Variants in VPS13B observed in about 807,000 individuals in gnomAD.
VPS13B encodes vacuolar protein sorting 13 homolog B.
VPS13B carries 285 observed loss-of-function variants against 426.4 expected under a neutral mutation model. The observed-to-expected ratio is 0.67, with a 90% confidence interval of 0.61 to 0.74. The LOEUF (loss-of-function observed/expected upper bound fraction) is 0.74, where lower values mean the gene tolerates loss of function less well. VPS13B is among the 30% of genes least tolerant of loss of function. The pLI is 0.00. For missense variants in VPS13B, 4,537 were observed against 4,782.6 expected (o/e 0.95, Z 1.51); for synonymous variants, 1,676 against 1,676.4 (o/e 1.00, Z 0.01).
intron 43 of VPS13B, among the ~76,000 whole-genome samples, chr8:99,785,765 C>G (rs1288712490): frequency 6.6e-6 from 1 of 152,022 alleles, no homozygotes; most frequent in Non-Finnish European, 1.5e-5. Context: ...ACAAAAAACA[C>G]CTATAATTCC....
At chr8:99,396,053 CAA>C (rs1424913735) in intron 21 of VPS13B, among the ~76,000 whole-genome samples, 1 of 151,848 alleles carries the variant, frequency 6.6e-6, no homozygotes, top group Admixed American at 6.6e-5. Context: ...AAATGAAGCA[CAA>C]AGAGAATAAA....
chr8:99,620,332 A>C (rs1052352248), intron 33 of VPS13B, among the ~76,000 whole-genome samples: 5 of 152,200 alleles, frequency 3.3e-5, no homozygotes, highest in Admixed American at 1.3e-4. Context: ...CAAGCATTCC[A>C]TTTCTTTATG....
At chr8:99,220,579 G>A (rs921458832) in intron 17 of VPS13B, among the ~76,000 whole-genome samples, 15 of 152,024 alleles carry the variant, frequency 9.9e-5, no homozygotes, top group African/African-American at 3.6e-4. Context: ...TGGATTAAAG[G>A]TAATAAAATT....
intron 25 of VPS13B, 112 bp from the exon 26 acceptor site, chr8:99,501,575 G>A (rs1821234278): frequency 1.9e-6 from 2 of 1,048,780 alleles, no homozygotes; most frequent in Non-Finnish European, 2.8e-6. Context: ...TCATTTGCAT[G>A]TAAGATGTGA....
chr8:99,612,341 A>G (rs1054618978), intron 33 of VPS13B, among the ~76,000 whole-genome samples: 18 of 152,174 alleles, frequency 1.2e-4, no homozygotes, highest in African/African-American at 4.3e-4. Context: ...ATTCAGCACA[A>G]TTCTTGGTAC....
At chr8:99,078,804 C>T (rs1481832405) in intron 3 of VPS13B, among the ~76,000 whole-genome samples, 1 of 151,834 alleles carries the variant, frequency 6.6e-6, no homozygotes, top group Non-Finnish European at 1.5e-5. Flanking sequence ...GCTGGGTGTG[C>T]CGGTCCCCAG....
At chr8:99,365,326 C>T (rs1812800247) in intron 19 of VPS13B, among the ~76,000 whole-genome samples, 1 of 151,342 alleles carries the variant, frequency 6.6e-6, no homozygotes, top group South Asian at 2.1e-4. Flanking sequence ...TTTGCTTGCT[C>T]TTGCTTTTCC....
intron 17 of VPS13B, among the ~76,000 whole-genome samples, chr8:99,219,455 T>TG (rs990109926): frequency 2.6e-5 from 4 of 152,222 alleles, no homozygotes; most frequent in Admixed American, 2.6e-4. Flanking sequence ...CCAAGGGATG[T>TG]GTCTTGCTAT....
intron 43 of VPS13B, among the ~76,000 whole-genome samples, chr8:99,785,861 T>C (rs1231676712): frequency 1.3e-5 from 2 of 152,080 alleles, no homozygotes; most frequent in Non-Finnish European, 2.9e-5. Context: ...TTCCCAGCAA[T>C]GAATTATGTG....
At chr8:99,599,553 C>G (rs746380299) in intron 33 of VPS13B, among the ~76,000 whole-genome samples, 24 of 152,008 alleles carry the variant, frequency 1.6e-4, no homozygotes, top group Non-Finnish European at 2.5e-4. Flanking sequence ...GGTTTCCTAT[C>G]TGAGTTTGTA....
intron 27 of VPS13B, among the ~76,000 whole-genome samples, chr8:99,503,778 C>T (rs1821356429): frequency 6.6e-6 from 1 of 152,206 alleles, no homozygotes; most frequent in Non-Finnish European, 1.5e-5. Flanking sequence ...TCTACCATTA[C>T]TTCCTCCAGT....
intron 33 of VPS13B, among the ~76,000 whole-genome samples, chr8:99,596,203 T>A (rs987275487): frequency 2.6e-5 from 4 of 151,940 alleles, no homozygotes; most frequent in African/African-American, 7.2e-5. Context: ...CTTTTTTTTT[T>A]AAACAGAAAC....
At chr8:99,278,969 ATT>A (rs1320398108) in intron 19 of VPS13B, among the ~76,000 whole-genome samples, 2 of 152,188 alleles carry the variant, frequency 1.3e-5, no homozygotes, top group Non-Finnish European at 2.9e-5. Context: ...TTAATGACAC[ATT>A]TCTTAGGTTT....
chr8:99,534,448 C>T (rs1244707415), intron 30 of VPS13B, among the ~76,000 whole-genome samples: 3 of 152,084 alleles, frequency 2.0e-5, no homozygotes, highest in East Asian at 3.9e-4. Flanking sequence ...TTTGGGTTCC[C>T]ATCATAACAG....
intron 22 of VPS13B, among the ~76,000 whole-genome samples, chr8:99,439,561 C>G (rs916677575): frequency 1.3e-5 from 2 of 151,922 alleles, no homozygotes; most frequent in South Asian, 4.1e-4. Context: ...GAGTAACATA[C>G]ACTTATATAG....
At chr8:99,023,086 T>C (rs1841976183) in intron 2 of VPS13B, among the ~76,000 whole-genome samples, 1 of 151,970 alleles carries the variant, frequency 6.6e-6, no homozygotes, top group South Asian at 2.1e-4. Context: ...CCACATGGGC[T>C]CAGGTGATTC....
intron 19 of VPS13B, among the ~76,000 whole-genome samples, chr8:99,326,067 T>G (rs1285557159): frequency 1.3e-5 from 2 of 152,168 alleles, no homozygotes; most frequent in African/African-American, 4.8e-5. Flanking sequence ...TATTTCTTAC[T>G]CTACAGTTTT....
At position 99,115,672 on chromosome 8, in the gene VPS13B, T is replaced by G. The variant is rs1225605673; in HGVS notation, c.763-28T>G. The G allele has an allele frequency of 1.9e-6, 3 of 1,607,214 alleles. No homozygotes were observed. In the East Asian group the frequency reaches 6.7e-5, roughly 36 times the overall value. On this transcript the variant is annotated intron_variant, in intron 6 of 61. Coordinates refer to ENST00000357162, the MANE Select transcript of VPS13B (RefSeq NM_152564.5). ...AATACTCTTTTTAAACATGCGTTTG[T>G]TGGTGTTATGTCTTTTTCAAAATGC...
rs369062407 is a variant in VPS13B at position 99,778,831 on chromosome 8, G to A, written c.7579G>A (p.Ala2527Thr). Residue 2527 changes from alanine (A) to threonine (T), a missense_variant, in exon 42 of 62, where the codon GCA (alanine) becomes ACA (threonine). Physicochemically the swap from Ala to Thr is moderately conservative, Grantham distance 58 (BLOSUM62 0). Coordinates refer to ENST00000357162, the MANE Select transcript of VPS13B (RefSeq NM_152564.5). ...VCQEIQFLAQ[A>T]DCKLLECRNV... Reference sequence around the variant, plus strand: ...TCAGGAGATCCAGTTCTTAGCTCAAGCAGACTGTAAACTTCTAGAGTGCAG... The same window carrying A: ...TCAGGAGATCCAGTTCTTAGCTCAAACAGACTGTAAACTTCTAGAGTGCAG... 36 of 1,613,914 alleles carry A rather than the reference G, an allele frequency of 2.2e-5. No individual in the cohort carries two copies. Among genetic ancestry groups the A allele is most frequent in the Non-Finnish European group, 2.7e-5 (32 of 1,179,938 alleles).
Sources: allele counts gnomAD v4.1 joint callset (sites outside exome capture counted in the v4.1 genomes callset), GRCh38; gene constraint gnomAD v4.1.1; transcripts MANE v1.5; gene names NCBI Gene and HGNC (gene_info 2026-07-23, HGNC 2026-07-21).